Variants in INPP4B observed in about 807,000 individuals in gnomAD.
The protein encoded by INPP4B is inositol polyphosphate 4-phosphatase type II.
A neutral mutation model predicts 122.5 loss-of-function variants in INPP4B; 55 were observed. The ratio of observed to expected loss-of-function variants is 0.45; its 90% confidence interval spans 0.36 to 0.56. INPP4B has a LOEUF of 0.56. INPP4B is among the 20% of genes least tolerant of loss of function. The pLI is 0.00. For missense variants in INPP4B, 1,000 were observed against 1,097.7 expected (o/e 0.91, Z 1.26); for synonymous variants, 403 against 388.7 (o/e 1.04, Z -0.43).
chr4:142,454,384 C>A (rs1277295649), intron 3 of INPP4B, among the ~76,000 whole-genome samples: 1 of 152,106 alleles, frequency 6.6e-6, no homozygotes, highest in African/African-American at 2.4e-5. Context: ...ATGCACCCTC[C>A]CAACCCCTGA....
intron 2 of INPP4B, among the ~76,000 whole-genome samples, chr4:142,593,022 T>G (rs1737853577): frequency 6.6e-6 from 1 of 151,920 alleles, no homozygotes. Context: ...GAGGATCACT[T>G]GAGCTAGGGA....
intron 2 of INPP4B, among the ~76,000 whole-genome samples, chr4:142,644,127 G>C (rs998200617): frequency 4.6e-5 from 7 of 151,856 alleles, no homozygotes; most frequent in African/African-American, 1.5e-4. Flanking sequence ...TAAGCCCAAG[G>C]GTTGGAGGCT....
chr4:142,077,097 A>C (rs1771189193), intron 25 of INPP4B, among the ~76,000 whole-genome samples: 1 of 152,010 alleles, frequency 6.6e-6, no homozygotes, highest in South Asian at 2.1e-4. Flanking sequence ...CAGGCGCAAC[A>C]TGTTGAGAAT....
chr4:142,501,255 C>T (rs1016075826), intron 2 of INPP4B, among the ~76,000 whole-genome samples: 2 of 152,146 alleles, frequency 1.3e-5, no homozygotes, highest in East Asian at 1.9e-4. Context: ...GCCCTTAACC[C>T]TTTGTGAAAT....
intron 7 of INPP4B, among the ~76,000 whole-genome samples, chr4:142,378,632 G>A (rs922580081): frequency 1.3e-5 from 2 of 152,138 alleles, no homozygotes; most frequent in African/African-American, 2.4e-5. Flanking sequence ...CCTTAGAGAG[G>A]AGAATATGTC....
chr4:142,441,158 C>A (rs1811625513), intron 3 of INPP4B, among the ~76,000 whole-genome samples: 1 of 152,078 alleles, frequency 6.6e-6, no homozygotes, highest in Non-Finnish European at 1.5e-5. Flanking sequence ...TTAGAAAATC[C>A]ACTACAGTGT....
At position 142,747,347 on chromosome 4, in the gene INPP4B, C is replaced by T. The variant is rs565523120; in HGVS notation, c.-253-21446G>A. 5.3e-5 allele frequency among the ~76,000 whole-genome samples: 8 copies of T among 152,048 alleles called. No individual in the cohort carries two copies. The South Asian group carries it at 6.2e-4, about 12-fold the overall frequency. Reference sequence around the variant, plus strand: ...TACCAACTCACACCAGTTAGAATGGCGATCATTAAAAAGTCAGGAAACCAC... The same window carrying T: ...TACCAACTCACACCAGTTAGAATGGTGATCATTAAAAAGTCAGGAAACCAC... On this transcript the variant is annotated intron_variant, in intron 1 of 25. Transcript: ENST00000262992.
In INPP4B at chr4:142,550,706, C is replaced by T. The variant is rs116542111; in HGVS notation, c.-190-87980G>A. Among the ~76,000 whole-genome samples, 696 of 151,632 alleles carry T rather than the reference C, an allele frequency of 4.6e-3. 6 individuals are homozygous for T. Among genetic ancestry groups the T allele is most frequent in the Non-Finnish European group, 6.8e-3 (461 of 67,926 alleles). On this transcript the variant is annotated intron_variant, in intron 2 of 25. Transcript: ENST00000262992. ...AGTGTTCATTCAATTCAAACAATTACTGAGGCCCTGCAAAGTACTAGGGGA... is the reference window on the plus strand; with the variant it reads ...AGTGTTCATTCAATTCAAACAATTATTGAGGCCCTGCAAAGTACTAGGGGA...
intron 1 of INPP4B, among the ~76,000 whole-genome samples, chr4:142,743,196 C>T (rs1768155658): frequency 6.6e-6 from 1 of 151,906 alleles, no homozygotes; most frequent in African/African-American, 2.4e-5. Flanking sequence ...CAAAACTGTA[C>T]TTTATGAGTA....
At chr4:142,121,789 A>G (rs1472717017) in intron 21 of INPP4B, among the ~76,000 whole-genome samples, 1 of 152,140 alleles carries the variant, frequency 6.6e-6, no homozygotes, top group African/African-American at 2.4e-5. Flanking sequence ...CTATTAACTG[A>G]ACAACTCCCG....
intron 1 of INPP4B, among the ~76,000 whole-genome samples, chr4:142,781,421 AACAGCT>A (rs758376297): frequency 6.6e-6 from 1 of 152,222 alleles, no homozygotes; most frequent in Non-Finnish European, 1.5e-5. Context: ...AAAAGGAGGG[AACAGCT>A]TTCAGTCACT....
At chr4:142,673,665 G>C (rs1757309707) in intron 2 of INPP4B, among the ~76,000 whole-genome samples, 1 of 152,106 alleles carries the variant, frequency 6.6e-6, no homozygotes, top group South Asian at 2.1e-4. Flanking sequence ...GAACAGTAGA[G>C]GTTCCAGTCT....
At chr4:142,230,700 T>C (rs1853938998) in intron 12 of INPP4B, among the ~76,000 whole-genome samples, 1 of 151,528 alleles carries the variant, frequency 6.6e-6, no homozygotes, top group Admixed American at 6.6e-5. Context: ...TTGGTGTGGA[T>C]TTGAAGTGAT....
chr4:142,529,358 T>C (rs929034198), intron 2 of INPP4B, among the ~76,000 whole-genome samples: 2 of 152,032 alleles, frequency 1.3e-5, no homozygotes, highest in Non-Finnish European at 2.9e-5. Context: ...TGAAGCTAGA[T>C]CTTTTACTTA....
At chr4:142,705,327 C>G (rs971119703) in intron 2 of INPP4B, among the ~76,000 whole-genome samples, 1 of 152,082 alleles carries the variant, frequency 6.6e-6, no homozygotes, top group Non-Finnish European at 1.5e-5. Context: ...AATGTATCAT[C>G]TCCCACAGAC....
rs531970144 is a variant in INPP4B at position 142,541,910 on chromosome 4, G to C, written c.-190-79184C>G. 2.0e-5 allele frequency among the ~76,000 whole-genome samples: 3 copies of C among 152,278 alleles called. No homozygotes were observed. In the East Asian group the frequency reaches 5.8e-4, roughly 29 times the overall value. On this transcript the variant is annotated intron_variant, in intron 2 of 25. Coordinates refer to ENST00000262992, the MANE Select transcript of INPP4B (RefSeq NM_001101669.3). ...GGGACCAGCTCGTGAAGATCACGAT[G>C]GCCACCACTACCCACCACCCACTAG...
In INPP4B at chr4:142,836,222, T is replaced by C. The variant is rs1782749231; in HGVS notation, c.-254+9987A>G. On this transcript the variant is annotated intron_variant, in intron 1 of 25. Transcript: ENST00000262992. ...TTTTGGCACAGCTTTACAACATTAT[T>C]CTAAAATTAGTTTGGAAGAAATATC... is the stretch of plus-strand genomic sequence containing the variant. Among the ~76,000 whole-genome samples the C allele has an allele frequency of 1.3e-5, 2 of 152,162 alleles. 1 individual carries two copies. Among genetic ancestry groups the C allele is most frequent in the South Asian group, 4.1e-4 (2 of 4,830 alleles).
At chr4:142,298,637 T>C (rs569946986) in intron 9 of INPP4B, among the ~76,000 whole-genome samples, 1 of 137,356 alleles carries the variant, frequency 7.3e-6, no homozygotes, top group East Asian at 2.2e-4. Flanking sequence ...TGAGCAGACA[T>C]TGCACCATTG....
intron 2 of INPP4B, among the ~76,000 whole-genome samples, chr4:142,576,630 C>T (rs1464397929): frequency 6.6e-6 from 1 of 151,950 alleles, no homozygotes; most frequent in Non-Finnish European, 1.5e-5. Flanking sequence ...AAGCACCAGT[C>T]ATTTATAAGG....
Sources: gnomAD v4.1 joint callset for allele counts (sites outside exome capture counted in the v4.1 genomes callset) on GRCh38, gnomAD v4.1.1 for gene constraint, MANE v1.5 for transcripts, NCBI Gene and HGNC (gene_info 2026-07-23, HGNC 2026-07-21) for gene names.